Variants in EPHA6 observed in about 807,000 individuals in gnomAD.
The protein encoded by EPHA6 is ephrin type-A receptor 6.
A neutral mutation model predicts 112.0 loss-of-function variants in EPHA6; 50 were observed. The ratio of observed to expected loss-of-function variants is 0.45; its 90% CI spans 0.36 to 0.56. The LOEUF (loss-of-function observed/expected upper bound fraction) is 0.56. EPHA6 is among the 20% of genes least tolerant of loss of function. EPHA6 has a pLI of 0.00. For synonymous variants in EPHA6, 529 were observed against 490.7 expected (o/e 1.08, Z -1.03); for missense variants, 1,280 against 1,417.4 (o/e 0.90, Z 1.56).
chr3:96,832,851 T>C (rs1448532736), intron 1 of EPHA6, among the ~76,000 whole-genome samples: 1 of 152,114 alleles, frequency 6.6e-6, no homozygotes, highest in African/African-American at 2.4e-5. Context: ...CCTTCCCACA[T>C]GCAGTAGTAT....
chr3:97,103,421 C>T (rs78201930), intron 3 of EPHA6, among the ~76,000 whole-genome samples: 1,648 of 152,114 alleles, frequency 0.011, 15 homozygotes, highest in Middle Eastern at 0.037. Context: ...TTGCCTGTTT[C>T]TGTCACCTTT....
intron 3 of EPHA6, among the ~76,000 whole-genome samples, chr3:97,101,798 A>G (rs1468913127): frequency 6.6e-6 from 1 of 152,126 alleles, no homozygotes; most frequent in African/African-American, 2.4e-5. Flanking sequence ...AAGATTGATT[A>G]AATATCTTCT....
chr3:97,733,895 T>C lies in EPHA6; in HGVS notation c.2935-2030T>C, dbSNP rs79931216. On this transcript the variant is annotated intron_variant, in intron 15 of 17. Coordinates refer to ENST00000389672, the MANE Select transcript of EPHA6 (RefSeq NM_001080448.3). ...TAAAATTGTATTGGGTGATAAGAAA[T>C]TGGAGAGGAAGATGTTTTATCATGA... 5.7e-3 allele frequency among the ~76,000 whole-genome samples: 860 copies of C among 152,052 alleles called. 5 individuals are homozygous for C. The highest frequency in any genetic ancestry group is 0.012 in the South Asian group (58 of 4,816).
chr3:97,401,338 T>C (rs1028816967), intron 5 of EPHA6, among the ~76,000 whole-genome samples: 6 of 151,768 alleles, frequency 4.0e-5, no homozygotes, highest in African/African-American at 1.4e-4. Flanking sequence ...GACTTTTTAT[T>C]ACTGGTTCTA....
chr3:97,366,990 A>C (rs183256297), intron 5 of EPHA6, among the ~76,000 whole-genome samples: 1 of 152,154 alleles, frequency 6.6e-6, no homozygotes, highest in Non-Finnish European at 1.5e-5. Flanking sequence ...CTGCAGGAGG[A>C]GATATTACCA....
chr3:97,538,987 CTT>C lies in EPHA6; in HGVS notation c.2386+6446_2386+6447del, dbSNP rs1491157624. 3.8e-5 allele frequency among the ~76,000 whole-genome samples: 5 copies of C among 130,644 alleles called. No homozygotes were observed. In the East Asian group the frequency reaches 9.0e-4, roughly 24 times the overall value. The allele number at this position is 130,644 out of a possible 152,430, so 85.7% of individuals were successfully genotyped here. On this transcript the variant is annotated intron_variant, in intron 11 of 17. Transcript: ENST00000389672. ...CATACTGGACACTTTCTCTCTCTTT[CTT>C]TCTTTCTTTCTTTCTTTCTTTCTTT...
At chr3:97,393,139 G>A (rs1332117115) in intron 5 of EPHA6, among the ~76,000 whole-genome samples, 2 of 151,812 alleles carry the variant, frequency 1.3e-5, no homozygotes, top group Non-Finnish European at 2.9e-5. Flanking sequence ...CCAACTTTCT[G>A]AGATTTGGGA....
chr3:97,295,186 C>T (rs1181455508), intron 5 of EPHA6, among the ~76,000 whole-genome samples: 1 of 152,144 alleles, frequency 6.6e-6, no homozygotes, highest in Admixed American at 6.5e-5. Context: ...TTGGTCTCCT[C>T]CTTACCTTCT....
At chr3:97,186,106 A>G (rs1031593995) in intron 3 of EPHA6, among the ~76,000 whole-genome samples, 2 of 151,744 alleles carry the variant, frequency 1.3e-5, no homozygotes, top group African/African-American at 4.8e-5. Context: ...AGATATACCT[A>G]ATGTTAAATG....
intron 14 of EPHA6, among the ~76,000 whole-genome samples, chr3:97,690,245 A>AT (rs1271026111): frequency 1.3e-5 from 2 of 152,152 alleles, no homozygotes; most frequent in Non-Finnish European, 2.9e-5. Context: ...TGGCTGCACT[A>AT]TTTTTATCAT....
intron 1 of EPHA6, among the ~76,000 whole-genome samples, chr3:96,845,002 C>A (rs2034985679): frequency 6.6e-6 from 1 of 151,392 alleles, no homozygotes; most frequent in South Asian, 2.1e-4. Context: ...AATAAGATAT[C>A]CTGTACATCC....
At chr3:97,122,841 GTATGA>G (rs1172313266) in intron 3 of EPHA6, among the ~76,000 whole-genome samples, 3 of 151,896 alleles carry the variant, frequency 2.0e-5, no homozygotes, top group Admixed American at 1.3e-4. Context: ...TAAAATATAT[GTATGA>G]TATGTTGATA....
chr3:97,178,298 T>C lies in EPHA6; in HGVS notation c.1115-47966T>C, dbSNP rs1480514741. On this transcript the variant is annotated intron_variant, in intron 3 of 17. Coordinates refer to ENST00000389672, the MANE Select transcript of EPHA6 (RefSeq NM_001080448.3). ...TTGTTTCTATTTATATCTTACGGTA[T>C]TCACTATGTCCTGAAAAGTTGTAAT... is the stretch of plus-strand genomic sequence containing the variant. Among the ~76,000 whole-genome samples, 7 of 152,098 alleles carry C rather than the reference T, an allele frequency of 4.6e-5. No homozygotes were observed. The East Asian group carries it at 1.3e-3, about 29-fold the overall frequency.
chr3:97,644,383 A>G (rs2094038221), intron 14 of EPHA6, among the ~76,000 whole-genome samples: 1 of 148,778 alleles, frequency 6.7e-6, no homozygotes, highest in Non-Finnish European at 1.5e-5. Context: ...AAAGAACTAG[A>G]AAAGCAAGAG....
chr3:97,236,370 A>G (rs2078680283), intron 4 of EPHA6, among the ~76,000 whole-genome samples: 1 of 150,004 alleles, frequency 6.7e-6, no homozygotes, highest in African/African-American at 2.4e-5. Context: ...GAGAGGTTAG[A>G]AAAAAAAATC....
chr3:96,972,424 AACACACACACACAC>A (rs3070424), intron 2 of EPHA6, among the ~76,000 whole-genome samples: 28 of 144,868 alleles, frequency 1.9e-4, no homozygotes, highest in African/African-American at 2.8e-4. Context: ...CACACACACA[AACACACACACACAC>A]ACACACACAC....
chr3:97,253,016 C>T (rs1025419407), intron 5 of EPHA6, among the ~76,000 whole-genome samples: 4 of 151,944 alleles, frequency 2.6e-5, no homozygotes, highest in African/African-American at 9.7e-5. Flanking sequence ...AAAAAGATGC[C>T]TGTGTGTTTG....
intron 7 of EPHA6, among the ~76,000 whole-genome samples, chr3:97,452,412 A>T (rs1381755457): frequency 1.3e-5 from 2 of 151,830 alleles, no homozygotes; most frequent in African/African-American, 4.8e-5. Context: ...ACTCATATAT[A>T]ATCAGAAAAT....
chr3:97,001,851 G>C (rs573822175), intron 3 of EPHA6, among the ~76,000 whole-genome samples: 1 of 151,890 alleles, frequency 6.6e-6, no homozygotes, highest in East Asian at 1.9e-4. Flanking sequence ...CTGCAGCAAT[G>C]GACAGAAAAA....
Sources: allele counts gnomAD v4.1 joint callset (sites outside exome capture counted in the v4.1 genomes callset), GRCh38; gene constraint gnomAD v4.1.1; transcripts MANE v1.5; gene names NCBI Gene and HGNC (gene_info 2026-07-23, HGNC 2026-07-21).